PGAP1: variants seen among roughly 807,000 people sequenced by gnomAD.
The protein encoded by PGAP1 is GPI inositol-deacylase.
PGAP1 carries 76 observed loss-of-function variants against 127.0 expected under a neutral mutation model. That is an observed-to-expected ratio of 0.60 (90% CI 0.50 to 0.72). PGAP1 has a LOEUF of 0.72. Among genes scored for constraint, PGAP1 ranks in the 30% least tolerant of loss-of-function variants. PGAP1 has a pLI of 0.00. For missense variants in PGAP1, 982 were observed against 1,071.3 expected (o/e 0.92, Z 1.16); for synonymous variants, 362 against 366.5 (o/e 0.99, Z 0.14).
rs149036472 is a variant in PGAP1, at chr2:196,875,054, A to G, written c.1426+692T>C. Reference sequence around the variant, plus strand: ...AAAAATGAAACAGACAACTCCAAATAAGGAACATTGCACAAAATAATTGAA... The same window carrying G: ...AAAAATGAAACAGACAACTCCAAATGAGGAACATTGCACAAAATAATTGAA... On this transcript the variant is annotated intron_variant, in intron 14 of 26. Coordinates refer to ENST00000354764, the MANE Select transcript of PGAP1 (RefSeq NM_024989.4). Among the ~76,000 whole-genome samples the G allele has an allele frequency of 1.1e-3, 164 of 152,242 alleles. No homozygotes were observed. The East Asian group carries it at 0.019, about 18-fold the overall frequency.
rs532713855 is a variant in PGAP1 at position 196,861,584 on chromosome 2, C to T, written c.1861+3403G>A. The stretch of plus-strand genomic sequence containing the variant: ...GATGTGGTGGCTCACGCCTGTAATC[C>T]CAGCACTTTGGGAGGACAAGGCAGG... On this transcript the variant is annotated intron_variant, in intron 20 of 26. Coordinates refer to ENST00000354764, the MANE Select transcript of PGAP1 (RefSeq NM_024989.4). 2.2e-3 allele frequency among the ~76,000 whole-genome samples: 336 copies of T among 152,194 alleles called. 2 individuals carry two copies. Among genetic ancestry groups the T allele is most frequent in the Non-Finnish European group, 3.6e-3 (242 of 68,008 alleles).
chr2:196,892,259 T>C (rs574883898), intron 9 of PGAP1, 87 bp downstream of exon 9: 4 of 635,588 alleles, frequency 6.3e-6, no homozygotes, highest in East Asian at 6.1e-5. Flanking sequence ...GCAGTTATCT[T>C]GTTTAAAGAG....
chr2:196,894,872 G>A (rs1041760721), intron 7 of PGAP1, among the ~76,000 whole-genome samples: 2 of 152,006 alleles, frequency 1.3e-5, no homozygotes, highest in African/African-American at 4.8e-5. Context: ...TCACTCTCAA[G>A]GTAATCCATC....
At chr2:196,906,882 G>A (rs1237218873) in intron 4 of PGAP1, among the ~76,000 whole-genome samples, 3 of 113,900 alleles carry the variant, frequency 2.6e-5, no homozygotes, top group African/African-American at 3.8e-5. Context: ...GAAATGAAGC[G>A]AGAAGGGAAG....
chr2:196,878,984 A>T (rs940686412), intron 13 of PGAP1, among the ~76,000 whole-genome samples: 18 of 152,306 alleles, frequency 1.2e-4, no homozygotes, highest in African/African-American at 4.3e-4. Context: ...TGTGCTAGTG[A>T]TTCCTGTATT....
rs777859735 is a variant in PGAP1, at chr2:196,897,234, T to G, written c.861-37A>C. On this transcript the variant is annotated intron_variant, in intron 6 of 26. Coordinates refer to ENST00000354764, the MANE Select transcript of PGAP1 (RefSeq NM_024989.4). ...AGTAAGTGTTACAAATAAAACTTTCTTAAAACATATACTTTTGATCAAAAT... is the reference window on the plus strand; with the variant it reads ...AGTAAGTGTTACAAATAAAACTTTCGTAAAACATATACTTTTGATCAAAAT... 2.4e-6 allele frequency: 3 copies of G among 1,268,480 alleles called. No individual in the cohort carries two copies. In the South Asian group the frequency reaches 4.2e-5, roughly 18 times the overall value. 78.6% of individuals were successfully genotyped at this position (1,268,480 alleles called of 1,614,324 possible).
In PGAP1 at chr2:196,890,874, T is replaced by C. The variant is rs1702076104; in HGVS notation, c.1127A>G (p.Asn376Ser). 6.5e-7 allele frequency: 1 copy of C among 1,547,076 alleles called. No individual in the cohort carries two copies. The highest frequency in any genetic ancestry group is 8.9e-7 in the Non-Finnish European group (1 of 1,119,932). The change falls in exon 10 of 27, where the codon AAT becomes AGT. Residue 376 changes from asparagine (N) to serine (S), a missense_variant. By Grantham distance (46) the Asn-to-Ser change is conservative. Coordinates refer to ENST00000354764, the MANE Select transcript of PGAP1 (RefSeq NM_024989.4). ...EKIYFTFPLE[N>S]HRKIYTHVYC... is the part of the protein sequence containing the mutation. Reference sequence around the variant, plus strand: ...GACATGAGTGTAGATTTTTCTATGATTTTCAAGAGGAAATGTAAAATATAT... The same window carrying C: ...GACATGAGTGTAGATTTTTCTATGACTTTCAAGAGGAAATGTAAAATATAT...
At chr2:196,885,045 C>A (rs1329003249) in intron 12 of PGAP1, among the ~76,000 whole-genome samples, 1 of 152,150 alleles carries the variant, frequency 6.6e-6, no homozygotes, top group African/African-American at 2.4e-5. Flanking sequence ...CACTTCCCAA[C>A]TGCAGGCCCT....
At chr2:196,847,747 A>G (rs1055872597) in intron 21 of PGAP1, 200 bp downstream of exon 21, 2 of 406,514 alleles carry the variant, frequency 4.9e-6, no homozygotes, top group Admixed American at 8.7e-5. Context: ...CATAAAGTGA[A>G]TAATTACTTT....
At position 196,921,089 on chromosome 2, in the gene PGAP1, G is replaced by A. The variant is rs1217954224; in HGVS notation, c.148-939C>T. Among the ~76,000 whole-genome samples the A allele has an allele frequency of 5.3e-5, 8 of 151,730 alleles. No homozygotes were observed. The South Asian group carries it at 1.7e-3, about 32-fold the overall frequency. On this transcript the variant is annotated intron_variant, in intron 1 of 26. Coordinates refer to ENST00000354764, the MANE Select transcript of PGAP1 (RefSeq NM_024989.4). The stretch of plus-strand genomic sequence containing the variant: ...TTTAGGTATACATAGATCTAGCAGT[G>A]CTGTACATGTGGCATGTGCTTGATA...
intron 19 of PGAP1, among the ~76,000 whole-genome samples, chr2:196,868,632 G>C (rs1260584799): frequency 6.6e-6 from 1 of 152,116 alleles, no homozygotes; most frequent in South Asian, 2.1e-4. Flanking sequence ...ATTTACTAGC[G>C]TTTATGGAAT....
intron 20 of PGAP1, among the ~76,000 whole-genome samples, chr2:196,861,391 G>A (rs571636053): frequency 6.6e-6 from 1 of 152,152 alleles, no homozygotes; most frequent in Admixed American, 6.5e-5. Context: ...ATAAGCCAAA[G>A]ACTGGGAAAA....
rs542787099 is a variant in PGAP1 at position 196,834,662 on chromosome 2, T to C, written c.*6572A>G. 1.3e-5 allele frequency: 2 copies of C among 152,160 alleles called. No homozygotes were observed. The highest frequency in any genetic ancestry group is 2.9e-5 in the Non-Finnish European group (2 of 67,862). 9.4% of individuals were successfully genotyped at this position (152,160 alleles called of 1,614,324 possible). A position where few individuals can be genotyped will look rare whatever the true frequency, so the allele number is the denominator to read the frequency against. ...ATGTAACATAATTTCCTAATTTATA[T>C]ACAGTATAAATCGGGAGTTTTTTTT... On this transcript the variant is annotated 3_prime_UTR_variant, in exon 27 of 27. Transcript: ENST00000354764.
At position 196,841,240 on chromosome 2, in the gene PGAP1, A is replaced by G. The variant is rs778898161; in HGVS notation, c.2763T>C (p.Phe921=). The G allele has an allele frequency of 6.2e-7, 1 of 1,611,740 alleles. No homozygotes were observed. The highest frequency in any genetic ancestry group is 1.1e-5 in the South Asian group (1 of 90,424). Residue 921 remains phenylalanine, a synonymous_variant, in exon 27 of 27, where the codon TTT becomes TTC. Coordinates refer to ENST00000354764, the MANE Select transcript of PGAP1 (RefSeq NM_024989.4). ...TCATTCCTTAAGTCCAATCTTACAT[A>G]AAGTTGCATAATGCATGGAGTAAAA... ...IPLLLHALCN[F]M
At chr2:196,886,909 G>A (rs1701928736) in intron 10 of PGAP1, among the ~76,000 whole-genome samples, 1 of 151,904 alleles carries the variant, frequency 6.6e-6, no homozygotes, top group African/African-American at 2.4e-5. Flanking sequence ...TGTTGGCCAG[G>A]ATGGTCTCCA....
intron 2 of PGAP1, among the ~76,000 whole-genome samples, chr2:196,916,923 C>T (rs1184603362): frequency 1.3e-5 from 2 of 152,166 alleles, no homozygotes; most frequent in Non-Finnish European, 2.9e-5. Flanking sequence ...AATTTTGCCA[C>T]ACTTATTGAG....
rs1359234347 is a variant in PGAP1 at position 196,844,007 on chromosome 2, A to G, written c.2406T>C (p.Leu802=). 2 of 1,608,548 alleles carry G rather than the reference A, an allele frequency of 1.2e-6. No homozygotes were observed. The highest frequency in any genetic ancestry group is 1.7e-6 in the Non-Finnish European group (2 of 1,176,152). ...NHHKDSSIHH[L]RLSANDAEDS... ...CTTCAGCATCGTTGGCAGATAAACG[A>G]AGATGGTGTATTGAGGAGTCTTTAT... The change falls in exon 25 of 27, where the codon CTT becomes CTC. Residue 802 remains leucine (L), a synonymous_variant. Coordinates refer to ENST00000354764, the MANE Select transcript of PGAP1 (RefSeq NM_024989.4).
intron 4 of PGAP1, among the ~76,000 whole-genome samples, chr2:196,905,130 C>CA (rs1271380281): frequency 2.6e-5 from 4 of 152,164 alleles, no homozygotes; most frequent in Non-Finnish European, 5.9e-5. Flanking sequence ...AGAACAGTGC[C>CA]ACCCTCCAAA....
At chr2:196,873,069 C>A in intron 16 of PGAP1, 43 bp from the exon 17 acceptor site, 2 of 624,420 alleles carry the variant, frequency 3.2e-6, no homozygotes, top group South Asian at 2.2e-5. Flanking sequence ...AACATGTTAC[C>A]CTAAATGTTA....
Sources: allele counts gnomAD v4.1 joint callset (sites outside exome capture counted in the v4.1 genomes callset), GRCh38; gene constraint gnomAD v4.1.1; transcripts MANE v1.5; gene names NCBI Gene and HGNC (gene_info 2026-07-23, HGNC 2026-07-21).